The following ABR variants were observed in gnomAD, a reference collection of about 807,000 sequenced individuals.
ABR encodes the protein ABR activator of RhoGEF and GTPase.
A neutral mutation model predicts 107.2 loss-of-function variants in ABR; 35 were observed. That is an observed-to-expected ratio of 0.33 (90% CI 0.25 to 0.43). ABR has a LOEUF of 0.43. Ranked by LOEUF, ABR falls within the 20% of genes least tolerant of loss-of-function variation. The pLI is 1.00. For synonymous variants in ABR, 498 were observed against 462.0 expected, an observed-to-expected ratio of 1.08 and a Z score of -1.00; for missense variants, 815 against 1,115.2, an observed-to-expected ratio of 0.73 and a Z score of 3.83.
chr17:1,119,641 C>T (rs1480278082), intron 2 of ABR, among the ~76,000 whole-genome samples: 2 of 152,196 alleles, frequency 1.3e-5, no homozygotes, highest in African/African-American at 4.8e-5. Flanking sequence ...AAGAAGCTTC[C>T]ACTGGGGTCC....
At chr17:1,074,390 C>T (rs1211464093) in intron 6 of ABR, among the ~76,000 whole-genome samples, 2 of 151,694 alleles carry the variant, frequency 1.3e-5, no homozygotes, top group Non-Finnish European at 2.9e-5. Context: ...CAGAGTCCAG[C>T]ATACCTGCCA....
chr17:1,153,489 C>CG (rs1350927625), intron 1 of ABR, among the ~76,000 whole-genome samples: 59 of 123,270 alleles, frequency 4.8e-4, no homozygotes, highest in African/African-American at 1.8e-3. Context: ...GGCACACCTA[C>CG]GGGAGGGCTG....
chr17:1,075,111 G>A (rs980673295), intron 6 of ABR, among the ~76,000 whole-genome samples: 1 of 152,216 alleles, frequency 6.6e-6, no homozygotes, highest in Non-Finnish European at 1.5e-5. Flanking sequence ...TCCACAACCC[G>A]GACACCAAGT....
chr17:1,149,549 G>C (rs2040711710), intron 1 of ABR, among the ~76,000 whole-genome samples: 1 of 151,848 alleles, frequency 6.6e-6, no homozygotes, highest in Non-Finnish European at 1.5e-5. Flanking sequence ...TCCCGAGTAG[G>C]TGGGATTACA....
chr17:1,012,878 C>A, intron 17 of ABR, 81 bp from the exon 18 acceptor site: 1 of 1,242,850 alleles, frequency 8.0e-7, no homozygotes, highest in Non-Finnish European at 1.2e-6. Context: ...GGGTCCCCTC[C>A]CCAAGACTGC....
At position 1,194,791 on chromosome 17, in the gene ABR, T is replaced by C. The variant is rs1259084195; in HGVS notation, c.838+34002A>G. Among the ~76,000 whole-genome samples, 6 of 123,524 alleles carry C rather than the reference T, an allele frequency of 4.9e-5. 1 individual carries two copies. In the Admixed American group the frequency reaches 5.0e-4, roughly 10 times the overall value. The allele number at this position is 123,524 out of a possible 152,430, so 81.0% of individuals were successfully genotyped here. A position where few individuals can be genotyped will look rare whatever the true frequency, so the allele number is the denominator to read the frequency against. On this transcript the variant is annotated intron_variant, in intron 1 of 22. Transcript: ENST00000574139. ...GCCTCAGCCCCCCTAGTAGCTGGGA[T>C]TACAGGCATGTGCCACCATGCCCTA...
intron 21 of ABR, 136 bp downstream of exon 21, chr17:1,009,543 C>G (rs1000210444): frequency 1.3e-5 from 9 of 701,496 alleles, no homozygotes; most frequent in Non-Finnish European, 2.3e-5. Context: ...CGAGGAGGGA[C>G]TGAGGAGGTG....
intron 1 of ABR, among the ~76,000 whole-genome samples, chr17:1,211,937 C>T (rs2042910431): frequency 6.6e-6 from 1 of 151,476 alleles, no homozygotes. Context: ...AAAAAATTAG[C>T]CTGGTGTGGT....
intron 1 of ABR, among the ~76,000 whole-genome samples, chr17:1,138,798 T>TAA (rs2040181878): frequency 1.3e-5 from 2 of 152,194 alleles, no homozygotes; most frequent in South Asian, 4.1e-4. Context: ...CTTAAAAATT[T>TAA]AAAATCTAAG....
intron 14 of ABR, among the ~76,000 whole-genome samples, chr17:1,054,994 C>T (rs556678065): frequency 2.5e-4 from 38 of 152,208 alleles, no homozygotes; most frequent in African/African-American, 7.0e-4. Flanking sequence ...CTCTGTGACT[C>T]GGTTACCTCC....
At chr17:1,055,749 G>A (rs369099187) in intron 14 of ABR, 4 of 352,418 alleles carry the variant, frequency 1.1e-5, no homozygotes, top group Non-Finnish European at 2.1e-5. Context: ...GGATGGTCTC[G>A]AACTCCTGAC....
At chr17:1,109,450 G>C (rs2151387682) in intron 2 of ABR, among the ~76,000 whole-genome samples, 1 of 152,082 alleles carries the variant, frequency 6.6e-6, no homozygotes, top group African/African-American at 2.4e-5. Flanking sequence ...GGAAACGCGC[G>C]TCGCGAGGTG....
At chr17:1,095,796 G>A (rs1441276984) in intron 3 of ABR, among the ~76,000 whole-genome samples, 4 of 152,218 alleles carry the variant, frequency 2.6e-5, no homozygotes, top group African/African-American at 7.2e-5. Flanking sequence ...CGAAATAAGG[G>A]AAAGAAATGT....
At chr17:1,219,015 A>G (rs949468004) in intron 1 of ABR, among the ~76,000 whole-genome samples, 4 of 151,928 alleles carry the variant, frequency 2.6e-5, no homozygotes, top group Admixed American at 1.3e-4. Context: ...ATGGTGCTTA[A>G]TTCTAGTATC....
intron 1 of ABR, among the ~76,000 whole-genome samples, chr17:1,127,834 A>G (rs1039126320): frequency 2.0e-5 from 3 of 152,176 alleles, no homozygotes; most frequent in Non-Finnish European, 4.4e-5. Flanking sequence ...CCCCACATGC[A>G]CAGTTCATCC....
rs1567549155 is a variant in ABR, at chr17:1,005,771, G to A, written c.*309C>T. On this transcript the variant is annotated 3_prime_UTR_variant, in exon 23 of 23. Transcript: ENST00000302538. Reference sequence around the variant, plus strand: ...CAAAGCGGGCTGTCTGTGTGCCCACGCCGGGCCGGTCACTACCTTTTCTGC... The same window carrying A: ...CAAAGCGGGCTGTCTGTGTGCCCACACCGGGCCGGTCACTACCTTTTCTGC... The A allele has an allele frequency of 1.2e-5, 5 of 416,466 alleles. No homozygotes were observed. The highest frequency in any genetic ancestry group is 5.7e-5 in the South Asian group (2 of 35,336). The allele number at this position is 416,466 out of a possible 1,614,324, so 25.8% of individuals were successfully genotyped here.
chr17:1,040,186 C>G (rs1438048981), intron 16 of ABR, among the ~76,000 whole-genome samples: 1 of 152,154 alleles, frequency 6.6e-6, no homozygotes, highest in African/African-American at 2.4e-5. Flanking sequence ...GCTCACAACC[C>G]AGGGCCCCCA....
upstream of ABR, among the ~76,000 whole-genome samples, chr17:1,189,162 T>C (rs1029594583): frequency 3.9e-5 from 6 of 152,118 alleles, no homozygotes; most frequent in Non-Finnish European, 7.4e-5. Context: ...CCGGCCACAG[T>C]GGCCACGTTT....
At chr17:1,115,078 C>CT (rs2038922458) in intron 2 of ABR, among the ~76,000 whole-genome samples, 1 of 152,282 alleles carries the variant, frequency 6.6e-6, no homozygotes, top group East Asian at 1.9e-4. Context: ...GCCTTGACAG[C>CT]TGTGCAAAGG....
Sources: gnomAD v4.1 joint callset for allele counts (sites outside exome capture counted in the v4.1 genomes callset) on GRCh38, gnomAD v4.1.1 for gene constraint, MANE v1.5 for transcripts, NCBI Gene and HGNC (gene_info 2026-07-23, HGNC 2026-07-21) for gene names.